RABL6: variants seen among roughly 807,000 people sequenced by gnomAD.
RABL6 encodes the protein RAB, member RAS oncogene family like 6, also known as rab-like protein 6.
A neutral mutation model predicts 72.9 loss-of-function variants in RABL6; 28 were observed. The ratio of observed to expected loss-of-function variants is 0.38; its 90% CI spans 0.28 to 0.53. RABL6 has a LOEUF of 0.53. Ranked by LOEUF, RABL6 falls within the 20% of genes least tolerant of loss-of-function variation. The pLI is 0.80. For missense variants in RABL6, 1,029 were observed against 1,008.4 expected, an observed-to-expected ratio of 1.02 and a Z score of -0.28; for synonymous variants, 477 against 421.2, an observed-to-expected ratio of 1.13 and a Z score of -1.62.
rs1246968690 is a variant in RABL6 at position 136,833,514 on chromosome 9, G to A, written c.705+1144G>A. 331 of 601,338 alleles carry A rather than the reference G, an allele frequency of 5.5e-4. 1 individual carries two copies. Among genetic ancestry groups the A allele is most frequent in the Non-Finnish European group, 6.4e-4 (235 of 364,774 alleles). The allele number at this position is 601,338 out of a possible 1,614,324, so 37.3% of individuals were successfully genotyped here. A position where few individuals can be genotyped will look rare whatever the true frequency, so the allele number is the denominator to read the frequency against. ...GGGTCTGGGGGACCTGAACCTCCTCGCCCTGGGCTGCCCCGACTGGGTCTG... is the reference window on the plus strand; with the variant it reads ...GGGTCTGGGGGACCTGAACCTCCTCACCCTGGGCTGCCCCGACTGGGTCTG... On this transcript the variant is annotated intron_variant, in intron 7 of 14. Coordinates refer to ENST00000311502, the MANE Select transcript of RABL6 (RefSeq NM_024718.5).
chr9:136,828,651 C>A, intron 4 of RABL6, 105 bp downstream of exon 4: 3 of 1,266,386 alleles, frequency 2.4e-6, no homozygotes, highest in Non-Finnish European at 2.3e-6. Context: ...CCCAGTTATG[C>A]TGTGGCCACG....
At chr9:136,837,785 G>A (rs1027131912) in intron 9 of RABL6, 77 bp from the exon 10 acceptor site, 273 of 1,540,808 alleles carry the variant, frequency 1.8e-4, no homozygotes, top group Middle Eastern at 9.0e-4. Flanking sequence ...GGCACATCCC[G>A]GGTGGGCCTG....
At chr9:136,829,023 C>T (rs1169775048) in intron 4 of RABL6, among the ~76,000 whole-genome samples, 1 of 152,184 alleles carries the variant, frequency 6.6e-6, no homozygotes, top group African/African-American at 2.4e-5. Context: ...TGCAGCTAAC[C>T]CTGTTTGTGG....
At position 136,839,724 on chromosome 9, in the gene RABL6, G is replaced by T; in HGVS notation, c.1789G>T (p.Asp597Tyr). The part of the protein sequence containing the change: ...DDFPVRDDPS[D>Y]VTDEDEGPAE... ...CTTTCCCGTGCGAGATGACCCCTCC[G>T]ATGTGACTGACGAGGATGAGGGCCC... Residue 597 changes from aspartate (D) to tyrosine (Y), a missense_variant, in exon 13 of 15, where the codon GAT (aspartate) becomes TAT (tyrosine). Physicochemically the swap from Asp to Tyr is radical, Grantham distance 160. This residue lies in a region of RABL6 where 595 missense variants were observed against 472.4 expected (regional missense o/e 1.26). Transcript: ENST00000311502. 6.2e-7 allele frequency: 1 copy of T among 1,605,442 alleles called. No individual in the cohort carries two copies. The highest frequency in any genetic ancestry group is 8.5e-7 in the Non-Finnish European group (1 of 1,175,156).
intron 10 of RABL6, 124 bp from the exon 11 acceptor site, chr9:136,838,785 C>A: frequency 1.2e-6 from 1 of 845,462 alleles, no homozygotes; most frequent in Non-Finnish European, 1.8e-6. Context: ...AACACAGCAC[C>A]TGGGGTGGGG....
In RABL6 at chr9:136,832,348, A is replaced by G; in HGVS notation, c.683A>G (p.Asn228Ser). The stretch of plus-strand genomic sequence containing the variant: ...CTAAAGTACCTTCATAAGTTCTTCA[A>G]TATCCCATTTTTGCAGCTTCAGGTA... The part of the protein sequence containing the change: ...FGLKYLHKFF[N>S]IPFLQLQRET... The change falls in exon 7 of 15, where the codon AAT becomes AGT. Residue 228 changes from asparagine (N) to serine (S), a missense_variant. Transcript: ENST00000311502. 1 of 1,613,656 alleles carries G rather than the reference A, an allele frequency of 6.2e-7. No homozygotes were observed. Among genetic ancestry groups the G allele is most frequent in the Non-Finnish European group, 8.5e-7 (1 of 1,179,618 alleles).
chr9:136,813,147 A>G, intron 1 of RABL6: 1 of 447,686 alleles, frequency 2.2e-6, no homozygotes, highest in Admixed American at 3.2e-5. Context: ...GGCCTTTGAC[A>G]GACAGTTTTA....
chr9:136,839,613 T>C (rs1177188037), intron 12 of RABL6, 81 bp from the exon 13 acceptor site: 29 of 1,545,256 alleles, frequency 1.9e-5, no homozygotes, highest in Non-Finnish European at 2.5e-5. Context: ...CACTTGGGCC[T>C]TGCCGGCCTG....
intron 6 of RABL6, 138 bp downstream of exon 6, chr9:136,831,999 C>A: frequency 7.8e-7 from 1 of 1,281,664 alleles, no homozygotes; most frequent in Non-Finnish European, 1.0e-6. Context: ...CTGAGTGGGG[C>A]TCACTGAAGC....
In RABL6 at chr9:136,838,023, G is replaced by C. The variant is rs747905571; in HGVS notation, c.1280+8G>C. On this transcript the variant is annotated splice_region_variant and intron_variant, in intron 10 of 14. Coordinates refer to ENST00000311502, the MANE Select transcript of RABL6 (RefSeq NM_024718.5). ...CCAGCAGGACAGCGACAGGTGAGGGGTGGGCCTGGGCCTCCTCTCCCATTG... is the reference window on the plus strand; with the variant it reads ...CCAGCAGGACAGCGACAGGTGAGGGCTGGGCCTGGGCCTCCTCTCCCATTG... The C allele has an allele frequency of 4.5e-6, 7 of 1,554,934 alleles. No homozygotes were observed. The East Asian group carries it at 1.5e-4, about 32-fold the overall frequency.
In RABL6 at chr9:136,835,734, TTC is replaced by T; in HGVS notation, c.706-6_706-5del. The T allele has an allele frequency of 6.5e-7, 1 of 1,547,666 alleles. No individual in the cohort carries two copies. Among genetic ancestry groups the T allele is most frequent in the Non-Finnish European group, 8.7e-7 (1 of 1,145,826 alleles). On this transcript the variant is annotated splice_polypyrimidine_tract_variant and splice_region_variant and intron_variant, in intron 7 of 14. Coordinates refer to ENST00000311502, the MANE Select transcript of RABL6 (RefSeq NM_024718.5). ...CCCTGCTCAGGCCTGCGTGCTCCCTTTCTGCAGAGGGAGACGCTGTTGCGGCA... is the reference window on the plus strand; with the variant it reads ...CCCTGCTCAGGCCTGCGTGCTCCCTTTGCAGAGGGAGACGCTGTTGCGGCA...
In RABL6 at chr9:136,826,272, G is replaced by T. The variant is rs1848354960; in HGVS notation, c.313+446G>T. Among the ~76,000 whole-genome samples the T allele has an allele frequency of 6.6e-6, 1 of 152,194 alleles. No homozygotes were observed. Among genetic ancestry groups the T allele is most frequent in the South Asian group, 2.1e-4 (1 of 4,838 alleles). ...CCTGCACTCTGGGGACCGTGGGAGG[G>T]CAGCACCAGCCCCCGGGGTGTCCTC... On this transcript the variant is annotated intron_variant, in intron 3 of 14. Coordinates refer to ENST00000311502, the MANE Select transcript of RABL6 (RefSeq NM_024718.5). This position sits in a 1 kb window ranked among gnomAD's most constrained non-coding sequence, Gnocchi z 4.9.
intron 1 of RABL6, 74 bp from the exon 2 acceptor site, chr9:136,823,451 G>A: frequency 6.4e-7 from 1 of 1,572,922 alleles, no homozygotes; most frequent in Non-Finnish European, 8.7e-7. Flanking sequence ...GGCTCTCCTT[G>A]TAGTTGCTCT....
chr9:136,816,726 G>C lies in RABL6; in HGVS notation c.131-6799G>C, dbSNP rs952046695. ...AGTGAGACTCTGTCTCAAAAAAAAG[G>C]GGGGGGGGGTAATTTTTTAAAATAA... On this transcript the variant is annotated intron_variant, in intron 1 of 14. Coordinates refer to ENST00000311502, the MANE Select transcript of RABL6 (RefSeq NM_024718.5). Among the ~76,000 whole-genome samples, 6 of 121,902 alleles carry C rather than the reference G, an allele frequency of 4.9e-5. No homozygotes were observed. The East Asian group carries it at 1.0e-3, about 21-fold the overall frequency. The allele number at this position is 121,902 out of a possible 152,430, so 80.0% of individuals were successfully genotyped here.
intron 2 of RABL6, 141 bp downstream of exon 2, chr9:136,823,800 G>A (rs991757031): frequency 2.6e-6 from 3 of 1,142,986 alleles, no homozygotes; most frequent in African/African-American, 3.2e-5. Flanking sequence ...TGGGGGCCCT[G>A]GCGTGAACTC....
In RABL6 at chr9:136,839,317, C is replaced by T. The variant is rs143011384; in HGVS notation, c.1589C>T (p.Pro530Leu). The T allele has an allele frequency of 5.4e-3, 8,734 of 1,612,320 alleles. 104 individuals are homozygous for T. Among genetic ancestry groups the T allele is most frequent in the East Asian group, 0.035 (1,568 of 44,856 alleles). The change falls in exon 12 of 15, where the codon CCG (proline) becomes CTG (leucine). Residue 530 changes from proline (P) to leucine (L), a missense_variant. Coordinates refer to ENST00000311502, the MANE Select transcript of RABL6 (RefSeq NM_024718.5). Reference protein sequence around the residue: ...WPGGVSVRTGPEKRSSTRPPA... With the variant: ...WPGGVSVRTGLEKRSSTRPPA... The stretch of plus-strand genomic sequence containing the variant: ...GGCGGTGTCTCTGTTCGCACAGGTC[C>T]GGAGAAGCGCAGCAGCACCAGGCCC...
In RABL6 at chr9:136,834,179, A is replaced by G. The variant is rs1326746366; in HGVS notation, c.706-1563A>G. On this transcript the variant is annotated intron_variant, in intron 7 of 14. Coordinates refer to ENST00000311502, the MANE Select transcript of RABL6 (RefSeq NM_024718.5). The stretch of plus-strand genomic sequence containing the variant: ...TGGAAGCAAATTTCAGGCCTTCTTT[A>G]TGTCACCTAAAAATATTTCAAACAC... 6 of 1,261,816 alleles carry G rather than the reference A, an allele frequency of 4.8e-6. No homozygotes were observed. In the African/African-American group the frequency reaches 9.1e-5, roughly 19 times the overall value. The allele number at this position is 1,261,816 out of a possible 1,614,324, so 78.2% of individuals were successfully genotyped here. A position where few individuals can be genotyped will look rare whatever the true frequency, so the allele number is the denominator to read the frequency against.
chr9:136,823,283 G>A (rs1180646785), intron 1 of RABL6, among the ~76,000 whole-genome samples: 1 of 151,992 alleles, frequency 6.6e-6, no homozygotes, highest in Non-Finnish European at 1.5e-5. Flanking sequence ...GTAGAAAGCT[G>A]CCCCCTGGGC....
intron 7 of RABL6, chr9:136,833,795 T>A: frequency 1.3e-6 from 2 of 1,550,432 alleles, no homozygotes; most frequent in Non-Finnish European, 1.7e-6. Context: ...GCCTGCAGGC[T>A]GGGACTGCTG....
Sources: allele counts gnomAD v4.1 joint callset (sites outside exome capture counted in the v4.1 genomes callset), GRCh38; gene constraint gnomAD v4.1.1; regional missense constraint gnomAD v4.1.1; non-coding constraint Gnocchi (gnomAD v3.1); transcripts MANE v1.5; gene names NCBI Gene and HGNC (gene_info 2026-07-23, HGNC 2026-07-21).